SPIDR: variants seen among roughly 807,000 people sequenced by gnomAD.
SPIDR encodes the protein DNA repair-scaffolding protein.
A neutral mutation model predicts 104.6 loss-of-function variants in SPIDR; 93 were observed. The ratio of observed to expected loss-of-function variants is 0.89; its 90% CI spans 0.75 to 1.06. The LOEUF (loss-of-function observed/expected upper bound fraction) is 1.06. Among genes scored for constraint, SPIDR ranks in the 50% least tolerant of loss-of-function variants. The pLI is 0.00. For missense variants in SPIDR, 1,154 were observed against 1,111.2 expected, an observed-to-expected ratio of 1.04 and a Z score of -0.55; for synonymous variants, 431 against 416.9, an observed-to-expected ratio of 1.03 and a Z score of -0.41.
chr8:47,393,671 CT>C, intron 5 of SPIDR, among the ~76,000 whole-genome samples: 3 of 135,268 alleles, frequency 2.2e-5, no homozygotes, highest in African/African-American at 2.9e-5. Context: ...TTTCCCTTTC[CT>C]TTTTCCTTTC....
intron 16 of SPIDR, among the ~76,000 whole-genome samples, chr8:47,716,677 T>A (rs1472872821): frequency 6.6e-6 from 1 of 152,084 alleles, no homozygotes; most frequent in Non-Finnish European, 1.5e-5. Context: ...GGGAGGGATG[T>A]CTGAGGGCTG....
rs1361174334 is a variant in SPIDR at position 47,589,358 on chromosome 8, A to AAT, written c.1098-6452_1098-6451insTA. On this transcript the variant is annotated intron_variant, in intron 8 of 19. Transcript: ENST00000297423. ...GCATGGTGAAACCCCCATCTCTATT[A>AAT]AAAATGCAAAAAAATTTGCCGGGCA... is the stretch of plus-strand genomic sequence containing the variant. 2.0e-5 allele frequency among the ~76,000 whole-genome samples: 3 copies of AAT among 151,330 alleles called. No individual in the cohort carries two copies. In the East Asian group the frequency reaches 5.8e-4, roughly 29 times the overall value.
chr8:47,525,472 T>C (rs994987405), intron 8 of SPIDR, among the ~76,000 whole-genome samples: 2 of 152,200 alleles, frequency 1.3e-5, no homozygotes, highest in Non-Finnish European at 2.9e-5. Flanking sequence ...GTTCTCCCTC[T>C]TTCCAAAGTT....
At chr8:47,274,008 C>A (rs1337008108) in intron 1 of SPIDR, among the ~76,000 whole-genome samples, 2 of 152,078 alleles carry the variant, frequency 1.3e-5, no homozygotes, top group African/African-American at 4.8e-5. Flanking sequence ...TGCTAAGTGA[C>A]CCCATTCTCA....
At chr8:47,341,180 A>G (rs1554613759) in intron 5 of SPIDR, among the ~76,000 whole-genome samples, 1 of 152,138 alleles carries the variant, frequency 6.6e-6, no homozygotes, top group Non-Finnish European at 1.5e-5. Flanking sequence ...ATTGCAGTAC[A>G]CTCAGTTGGC....
chr8:47,503,701 C>T (rs546367323), intron 8 of SPIDR, among the ~76,000 whole-genome samples: 102 of 152,238 alleles, frequency 6.7e-4, no homozygotes, highest in African/African-American at 1.9e-3. Flanking sequence ...TTATTTTGCT[C>T]ATTAGTTAAT....
At chr8:47,364,016 A>G (rs1235116603) in intron 5 of SPIDR, among the ~76,000 whole-genome samples, 2 of 152,174 alleles carry the variant, frequency 1.3e-5, no homozygotes, top group African/African-American at 4.8e-5. Flanking sequence ...TTTGTTCTAA[A>G]TACACTTGGA....
chr8:47,422,866 C>T (rs1157955165), intron 7 of SPIDR, among the ~76,000 whole-genome samples: 1 of 152,120 alleles, frequency 6.6e-6, no homozygotes, highest in Non-Finnish European at 1.5e-5. Context: ...GCTGACTTTG[C>T]TGGGCTGTTT....
At chr8:47,696,934 G>T (rs1360564380) in intron 11 of SPIDR, among the ~76,000 whole-genome samples, 1 of 152,178 alleles carries the variant, frequency 6.6e-6, no homozygotes. Flanking sequence ...AGCATCATGG[G>T]GTTGGAGTGT....
At chr8:47,629,929 A>G (rs1318605358) in intron 10 of SPIDR, among the ~76,000 whole-genome samples, 1 of 152,370 alleles carries the variant, frequency 6.6e-6, no homozygotes. Context: ...TATAGTTCCA[A>G]GTTCCCATAC....
intron 8 of SPIDR, among the ~76,000 whole-genome samples, chr8:47,496,065 T>A (rs1162447427): frequency 5.9e-5 from 9 of 152,244 alleles, no homozygotes; most frequent in Non-Finnish European, 1.3e-4. Flanking sequence ...CATATAAACT[T>A]GTTAAACTCA....
At chr8:47,489,323 C>T (rs1303425882) in intron 8 of SPIDR, among the ~76,000 whole-genome samples, 1 of 152,142 alleles carries the variant, frequency 6.6e-6, no homozygotes, top group Non-Finnish European at 1.5e-5. Flanking sequence ...TCAAGGAGAA[C>T]TACAAACCAC....
chr8:47,647,644 GA>G (rs1274659941), intron 10 of SPIDR, among the ~76,000 whole-genome samples: 1 of 148,770 alleles, frequency 6.7e-6, no homozygotes, highest in African/African-American at 2.5e-5. Context: ...GAGAGAGAGA[GA>G]GAGAGAGAGG....
At chr8:47,478,069 A>G (rs1554724643) in intron 8 of SPIDR, among the ~76,000 whole-genome samples, 2 of 152,218 alleles carry the variant, frequency 1.3e-5, no homozygotes, top group African/African-American at 4.8e-5. Context: ...AGCAGCACCC[A>G]GGGCGTGAAG....
At chr8:47,297,806 C>T (rs1485858207) in intron 5 of SPIDR, among the ~76,000 whole-genome samples, 1 of 152,180 alleles carries the variant, frequency 6.6e-6, no homozygotes, top group Non-Finnish European at 1.5e-5. Flanking sequence ...TTTATGGCTG[C>T]ATAGTATTCC....
At chr8:47,290,692 A>C (rs1055538449) in intron 3 of SPIDR, among the ~76,000 whole-genome samples, 19 of 152,306 alleles carry the variant, frequency 1.2e-4, no homozygotes, top group African/African-American at 4.6e-4. Context: ...ATTTTAAAAA[A>C]TTTTTTGTTT....
Position 47,598,836 on chromosome 8 carries a change from T to G in SPIDR, c.1294-110T>G, listed in dbSNP as rs761419525. The stretch of plus-strand genomic sequence containing the variant: ...TCACTTCAGTGTAGTGCAGATCCAT[T>G]GGGTGGCTGCTTAAGGATGTCATTA... On this transcript the variant is annotated intron_variant, in intron 9 of 19. Transcript: ENST00000297423. The G allele has an allele frequency of 1.0e-5, 14 of 1,377,166 alleles. No individual in the cohort carries two copies. The East Asian group carries it at 2.1e-4, about 20-fold the overall frequency. The allele number at this position is 1,377,166 out of a possible 1,614,324, so 85.3% of individuals were successfully genotyped here. A position where few individuals can be genotyped will look rare whatever the true frequency, so the allele number is the denominator to read the frequency against.
chr8:47,697,077 C>CT (rs1230409050), intron 11 of SPIDR, among the ~76,000 whole-genome samples: 1 of 152,080 alleles, frequency 6.6e-6, no homozygotes, highest in Non-Finnish European at 1.5e-5. Context: ...CATCCTTACT[C>CT]TATCTCTCTT....
At chr8:47,490,872 G>A (rs182426886) in intron 8 of SPIDR, among the ~76,000 whole-genome samples, 12 of 152,270 alleles carry the variant, frequency 7.9e-5, no homozygotes, top group Non-Finnish European at 1.6e-4. Context: ...GGGAGGGATA[G>A]CATTATGAGA....
Sources: gnomAD v4.1 joint callset for allele counts (sites outside exome capture counted in the v4.1 genomes callset) on GRCh38, gnomAD v4.1.1 for gene constraint, MANE v1.5 for transcripts, NCBI Gene and HGNC (gene_info 2026-07-23, HGNC 2026-07-21) for gene names.